Variants in AGBL1 observed in about 807,000 individuals in gnomAD.
AGBL1 encodes the protein AGBL carboxypeptidase 1.
AGBL1 carries 130 observed loss-of-function variants against 118.9 expected under a neutral mutation model. That is an observed-to-expected ratio of 1.09 (90% CI 0.95 to 1.26). The LOEUF (loss-of-function observed/expected upper bound fraction) is 1.26. Ranked by LOEUF, AGBL1 falls within the 50% of genes most tolerant of loss-of-function variation. AGBL1 has a pLI of 0.00. For synonymous variants in AGBL1, 555 were observed against 478.9 expected, an observed-to-expected ratio of 1.16 and a Z score of -2.08; for missense variants, 1,584 against 1,298.1, an observed-to-expected ratio of 1.22 and a Z score of -3.38.
chr15:86,526,218 T>G (rs1357650112), intron 19 of AGBL1, among the ~76,000 whole-genome samples: 3 of 151,442 alleles, frequency 2.0e-5, no homozygotes, highest in African/African-American at 4.9e-5. Flanking sequence ...AAACAACAGA[T>G]GTAGGCATGG....
chr15:86,540,517 C>G (rs1473333643), intron 19 of AGBL1, among the ~76,000 whole-genome samples: 1 of 152,016 alleles, frequency 6.6e-6, no homozygotes, highest in Non-Finnish European at 1.5e-5. Flanking sequence ...ATTGCTTGAA[C>G]CTGGGACATG....
At chr15:86,864,514 T>C (rs560889051) in intron 22 of AGBL1, among the ~76,000 whole-genome samples, 1 of 152,320 alleles carries the variant, frequency 6.6e-6, no homozygotes, top group South Asian at 2.1e-4. Flanking sequence ...AACTTGGCTA[T>C]GGTAATTGGT....
At chr15:86,473,878 T>A (rs998922728) in intron 18 of AGBL1, among the ~76,000 whole-genome samples, 2 of 152,172 alleles carry the variant, frequency 1.3e-5, no homozygotes, top group African/African-American at 4.8e-5. Flanking sequence ...TTGTTTTTGA[T>A]AAATTGTGCC....
At chr15:86,218,363 G>A (rs545896576) in intron 5 of AGBL1, among the ~76,000 whole-genome samples, 1 of 152,302 alleles carries the variant, frequency 6.6e-6, no homozygotes, top group South Asian at 2.1e-4. Flanking sequence ...GGAGGGTCAA[G>A]TCTTGGTGAA....
chr15:86,871,974 A>G (rs2079735225), intron 22 of AGBL1, among the ~76,000 whole-genome samples: 1 of 152,254 alleles, frequency 6.6e-6, no homozygotes, highest in Admixed American at 6.5e-5. Flanking sequence ...ATCTGATACT[A>G]CAAAAACCCT....
chr15:86,753,663 G>A (rs562694106), intron 22 of AGBL1, among the ~76,000 whole-genome samples: 1 of 152,076 alleles, frequency 6.6e-6, no homozygotes, highest in Non-Finnish European at 1.5e-5. Context: ...CTCCCAAAGT[G>A]CTGGGAGTAC....
At chr15:86,217,407 A>G (rs2078207274) in intron 5 of AGBL1, among the ~76,000 whole-genome samples, 1 of 152,224 alleles carries the variant, frequency 6.6e-6, no homozygotes, top group African/African-American at 2.4e-5. Flanking sequence ...TAGGGGTAGA[A>G]TAGTAGAAAA....
intron 5 of AGBL1, among the ~76,000 whole-genome samples, chr15:86,213,381 G>T (rs1024995262): frequency 6.6e-6 from 1 of 152,152 alleles, no homozygotes; most frequent in East Asian, 1.9e-4. Context: ...GCCTCAGTCA[G>T]TGTTTCACAA....
chr15:86,613,235 C>T lies in AGBL1; in HGVS notation c.2994+58698C>T, dbSNP rs765910660. Among the ~76,000 whole-genome samples the T allele has an allele frequency of 6.6e-5, 10 of 152,284 alleles. No individual in the cohort carries two copies. Among genetic ancestry groups the T allele is most frequent in the African/African-American group, 1.4e-4 (6 of 41,572 alleles). On this transcript the variant is annotated intron_variant, in intron 21 of 22. Transcript: ENST00000614907. This position sits in a 1 kb window ranked among gnomAD's most constrained non-coding sequence, Gnocchi z 4.2. ...GAAGAAAACAAATTAAAGCAGGAAT[C>T]GGAGCGAGAGGTTTGTTGGTTTTGG... is the stretch of plus-strand genomic sequence containing the variant.
chr15:86,334,792 T>C lies in AGBL1; in HGVS notation c.2374+39384T>C, dbSNP rs532492946. Among the ~76,000 whole-genome samples the C allele has an allele frequency of 2.6e-5, 4 of 152,248 alleles. No homozygotes were observed. In the South Asian group the frequency reaches 8.3e-4, roughly 32 times the overall value. ...TAAGGCTACAGTAACCAAAATAGCA[T>C]GGTACACTACAAAAACAGACACATA... On this transcript the variant is annotated intron_variant, in intron 17 of 22. Transcript: ENST00000614907.
chr15:86,388,205 A>G (rs1238222649), intron 17 of AGBL1, among the ~76,000 whole-genome samples: 2 of 152,162 alleles, frequency 1.3e-5, no homozygotes, highest in Admixed American at 6.5e-5. Flanking sequence ...GTTGTTCTGA[A>G]GCTGATTATT....
intron 18 of AGBL1, among the ~76,000 whole-genome samples, chr15:86,494,755 C>T (rs1291964089): frequency 6.6e-6 from 1 of 151,862 alleles, no homozygotes; most frequent in Non-Finnish European, 1.5e-5. Flanking sequence ...GAACATTGAC[C>T]TTTAAAAAAT....
At chr15:86,978,825 C>T (rs1280233670) in intron 23 of AGBL1, among the ~76,000 whole-genome samples, 1 of 152,172 alleles carries the variant, frequency 6.6e-6, no homozygotes, top group Non-Finnish European at 1.5e-5. Flanking sequence ...TTGTCATCAG[C>T]CTATTTTCTC....
chr15:86,325,898 C>G (rs998070484), intron 17 of AGBL1, among the ~76,000 whole-genome samples: 1 of 152,188 alleles, frequency 6.6e-6, no homozygotes. Context: ...CTCCTACACT[C>G]AAGCCCTCAT....
At position 86,968,292 on chromosome 15, in the gene AGBL1, C is replaced by T. The variant is rs74027198; in HGVS notation, c.3222-19695C>T. ...GTCTCTGAGTTTCATATTTGAGCCT[C>T]AGATTTGTGTAATTGCAATAATAGT... On this transcript the variant is annotated intron_variant, in intron 23 of 24. Transcript: ENST00000441037. Among the ~76,000 whole-genome samples, 412 of 151,892 alleles carry T rather than the reference C, an allele frequency of 2.7e-3. 1 individual carries two copies. The highest frequency in any genetic ancestry group is 9.1e-3 in the African/African-American group (379 of 41,472).
At chr15:86,675,212 G>A (rs1018049456) in intron 22 of AGBL1, among the ~76,000 whole-genome samples, 1 of 152,100 alleles carries the variant, frequency 6.6e-6, no homozygotes, top group East Asian at 1.9e-4. Flanking sequence ...TTGAGTTGTT[G>A]GGGAAGTGTC....
At chr15:86,919,600 A>ACGCACACACACACACG (rs35214833), downstream of AGBL1, among the ~76,000 whole-genome samples, 1 of 148,236 alleles carries the variant, frequency 6.7e-6, no homozygotes, top group Non-Finnish European at 1.5e-5. Context: ...ACACACACAC[A>ACGCACACACACACACG]CACACACACA....
chr15:86,277,044 C>T (rs1296488857), intron 15 of AGBL1, among the ~76,000 whole-genome samples: 2 of 152,100 alleles, frequency 1.3e-5, no homozygotes, highest in Non-Finnish European at 2.9e-5. Context: ...GTGGGGATGC[C>T]TGACATTTGC....
intron 20 of AGBL1, among the ~76,000 whole-genome samples, chr15:86,548,696 C>G (rs931243466): frequency 6.1e-5 from 9 of 146,392 alleles, no homozygotes; most frequent in Admixed American, 2.7e-4. Context: ...CACACACACA[C>G]AGCCAGAAAT....
Sources: allele counts gnomAD v4.1 joint callset (sites outside exome capture counted in the v4.1 genomes callset), GRCh38; gene constraint gnomAD v4.1.1; non-coding constraint Gnocchi (gnomAD v3.1); transcripts MANE v1.5; gene names NCBI Gene and HGNC (gene_info 2026-07-23, HGNC 2026-07-21).